CREBL2: variants seen among roughly 807,000 people sequenced by gnomAD.
CREBL2 encodes the protein cAMP responsive element binding protein like 2.
CREBL2 carries 4 observed loss-of-function variants against 19.5 expected under a neutral mutation model. The ratio of observed to expected loss-of-function variants is 0.20; its 90% CI spans 0.10 to 0.47. The LOEUF (loss-of-function observed/expected upper bound fraction) is 0.47, where lower values mean the gene tolerates loss of function less well. Ranked by LOEUF, CREBL2 falls within the 20% of genes least tolerant of loss-of-function variation. CREBL2 has a pLI of 0.98. For synonymous variants in CREBL2, 42 were observed against 46.6 expected (o/e 0.90, Z 0.40); for missense variants, 85 against 145.1 (o/e 0.59, Z 2.13).
chr12:12,634,004 C>T (rs1477293806), intron 1 of CREBL2, among the ~76,000 whole-genome samples: 3 of 152,186 alleles, frequency 2.0e-5, no homozygotes, highest in African/African-American at 7.2e-5. Context: ...AAGAGCTAGA[C>T]ATCAGTCATT....
chr12:12,614,686 TCA>T, intron 1 of CREBL2: 1 of 283,352 alleles, frequency 3.5e-6, no homozygotes, highest in Non-Finnish European at 6.9e-6. Context: ...TCATTTTCCT[TCA>T]CACGTTTCTG....
rs912033605 is a variant in CREBL2 at position 12,618,265 on chromosome 12, C to T, written c.15+6078C>T. ...GGCTGCCGGGCGGAGACGCTCCTCA[C>T]TTCCCAGACGGGGCGGCTGCCGGGC... On this transcript the variant is annotated intron_variant, in intron 1 of 3. Transcript: ENST00000228865. Among the ~76,000 whole-genome samples, 4 of 152,206 alleles carry T rather than the reference C, an allele frequency of 2.6e-5. No homozygotes were observed. The East Asian group carries it at 7.7e-4, about 29-fold the overall frequency.
intron 1 of CREBL2, among the ~76,000 whole-genome samples, chr12:12,620,218 C>A (rs375773475): frequency 3.4e-5 from 5 of 146,870 alleles, no homozygotes; most frequent in African/African-American, 9.9e-5. Flanking sequence ...CATTAATGTG[C>A]TTGCTTTCTT....
At chr12:12,623,621 C>T (rs1945378360) in intron 1 of CREBL2, among the ~76,000 whole-genome samples, 1 of 152,118 alleles carries the variant, frequency 6.6e-6, no homozygotes, top group African/African-American at 2.4e-5. Context: ...AGAGAGGGTG[C>T]CTGCTGGGGA....
At chr12:12,622,894 C>T (rs1326424017) in intron 1 of CREBL2, among the ~76,000 whole-genome samples, 1 of 152,152 alleles carries the variant, frequency 6.6e-6, no homozygotes, top group African/African-American at 2.4e-5. Flanking sequence ...ACAAGCCCTC[C>T]TGTTTTCCTT....
In CREBL2 at chr12:12,642,695, C is replaced by G. The variant is rs1376906451; in HGVS notation, c.*697C>G. On this transcript the variant is annotated 3_prime_UTR_variant, in exon 4 of 4. Transcript: ENST00000228865. ...TTCTAGTTAAAACCTTTGTTGCTGT[C>G]CTCTCAAACTATATTTATAAAAATT... 2 of 152,206 alleles carry G rather than the reference C, an allele frequency of 1.3e-5. No homozygotes were observed. Among genetic ancestry groups the G allele is most frequent in the African/African-American group, 2.4e-5 (1 of 41,446 alleles). 9.4% of individuals were successfully genotyped at this position (152,206 alleles called of 1,614,324 possible). A position where few individuals can be genotyped will look rare whatever the true frequency, so the allele number is the denominator to read the frequency against.
At chr12:12,625,441 C>T (rs1188816225) in intron 1 of CREBL2, among the ~76,000 whole-genome samples, 2 of 152,142 alleles carry the variant, frequency 1.3e-5, no homozygotes, top group African/African-American at 4.8e-5. Context: ...AACTGAGTGC[C>T]TAATATCAAA....
At chr12:12,635,376 A>G (rs1159763688) in intron 1 of CREBL2, among the ~76,000 whole-genome samples, 1 of 151,968 alleles carries the variant, frequency 6.6e-6, no homozygotes, top group Non-Finnish European at 1.5e-5. Flanking sequence ...CTGGAAAAAA[A>G]AAAAAAAAAA....
chr12:12,618,102 T>C (rs1395228514), intron 1 of CREBL2, among the ~76,000 whole-genome samples: 1 of 152,256 alleles, frequency 6.6e-6, no homozygotes, highest in African/African-American at 2.4e-5. Context: ...CTGATCTCTT[T>C]CTTTTCCCCA....
At chr12:12,634,845 C>T (rs539095299) in intron 1 of CREBL2, among the ~76,000 whole-genome samples, 16 of 152,136 alleles carry the variant, frequency 1.1e-4, no homozygotes, top group South Asian at 4.2e-4. Context: ...CGCTTGAGGC[C>T]GGGAGTTTGA....
At chr12:12,619,853 C>T (rs1335580730) in intron 1 of CREBL2, among the ~76,000 whole-genome samples, 1 of 152,184 alleles carries the variant, frequency 6.6e-6, no homozygotes, top group Non-Finnish European at 1.5e-5. Flanking sequence ...TGCCATTTCC[C>T]TCCACACTTC....
At chr12:12,636,103 C>T (rs1200066837) in intron 2 of CREBL2, 129 bp downstream of exon 2, 9 of 908,966 alleles carry the variant, frequency 9.9e-6, no homozygotes, top group Non-Finnish European at 1.5e-5. Context: ...AATCTGTTAG[C>T]CAGGATGGGG....
intron 1 of CREBL2, among the ~76,000 whole-genome samples, chr12:12,622,757 C>T (rs1325370296): frequency 1.3e-5 from 2 of 152,214 alleles, no homozygotes; most frequent in South Asian, 4.1e-4. Context: ...CAAATGAAAA[C>T]GCCACTGCTT....
chr12:12,621,241 A>G (rs948741113), intron 1 of CREBL2, among the ~76,000 whole-genome samples: 1 of 152,222 alleles, frequency 6.6e-6, no homozygotes, highest in Admixed American at 6.5e-5. Flanking sequence ...AAACTGGGCC[A>G]GGCACAGTGG....
rs188490884 is a variant in CREBL2 at position 12,641,923 on chromosome 12, A to C, written c.359-71A>C. ...CTAAACTGAAAAAAAAAATTTATGCATCTTAAAACAGATTAATCAAACTTT... is the reference window on the plus strand; with the variant it reads ...CTAAACTGAAAAAAAAAATTTATGCCTCTTAAAACAGATTAATCAAACTTT... On this transcript the variant is annotated intron_variant, in intron 3 of 3. Coordinates refer to ENST00000228865, the MANE Select transcript of CREBL2 (RefSeq NM_001310.4). 2.0e-3 allele frequency: 2,099 copies of C among 1,071,188 alleles called. 17 individuals carry two copies. Among genetic ancestry groups the C allele is most frequent in the Non-Finnish European group, 1.1e-3 (851 of 756,242 alleles). The allele number at this position is 1,071,188 out of a possible 1,614,324, so 66.4% of individuals were successfully genotyped here. A position where few individuals can be genotyped will look rare whatever the true frequency, so the allele number is the denominator to read the frequency against.
intron 1 of CREBL2, among the ~76,000 whole-genome samples, chr12:12,621,523 C>CAAAAAAAAAA (rs61201510): frequency 1.5e-5 from 1 of 64,886 alleles, no homozygotes; most frequent in South Asian, 4.9e-4. Flanking sequence ...CGTCTCAAAC[C>CAAAAAAAAAA]AAAAAAAAAA....
At chr12:12,638,336 C>T (rs1375509049) in intron 3 of CREBL2, among the ~76,000 whole-genome samples, 1 of 152,056 alleles carries the variant, frequency 6.6e-6, no homozygotes, top group Non-Finnish European at 1.5e-5. Context: ...ACTCAGGAGT[C>T]TGAAGCACAA....
intron 3 of CREBL2, 73 bp from the exon 4 acceptor site, chr12:12,641,921 G>T: frequency 5.1e-6 from 5 of 982,888 alleles, no homozygotes; most frequent in South Asian, 4.0e-5. Context: ...AAAAATTTAT[G>T]CATCTTAAAA....
intron 1 of CREBL2, among the ~76,000 whole-genome samples, chr12:12,630,768 G>A (rs1313873492): frequency 6.6e-6 from 1 of 152,126 alleles, no homozygotes; most frequent in Non-Finnish European, 1.5e-5. Context: ...TGCTCCAGTT[G>A]TACCCCATGA....
Sources: allele counts gnomAD v4.1 joint callset (sites outside exome capture counted in the v4.1 genomes callset), GRCh38; gene constraint gnomAD v4.1.1; transcripts MANE v1.5; gene names NCBI Gene and HGNC (gene_info 2026-07-23, HGNC 2026-07-21).